The following SLCO1A2 variants were observed in gnomAD, a reference collection of about 807,000 sequenced individuals.
The protein encoded by SLCO1A2 is OATP-1.
In SLCO1A2, 67 loss-of-function variants were observed where a neutral mutation model predicts 69.0. The ratio of observed to expected loss-of-function variants is 0.97; its 90% CI spans 0.80 to 1.19. SLCO1A2 has a LOEUF of 1.19. Ranked by LOEUF, SLCO1A2 falls within the 50% of genes most tolerant of loss-of-function variation. The pLI is 0.00. For synonymous variants in SLCO1A2, 260 were observed against 265.9 expected, an observed-to-expected ratio of 0.98 and a Z score of 0.22; for missense variants, 787 against 793.7, an observed-to-expected ratio of 0.99 and a Z score of 0.10.
rs763676184 is a variant in SLCO1A2, at chr12:21,378,286, C to T, written c.-189-3761G>A. The T allele has an allele frequency of 3.6e-5, 58 of 1,614,016 alleles. No homozygotes were observed. In the East Asian group the frequency reaches 5.1e-4, roughly 14 times the overall value. On this transcript the variant is annotated intron_variant, in intron 1 of 15. Coordinates refer to the SLCO1A2 transcript ENST00000307378. ...CAACACTGCCACATGTGCAACGCAG[C>T]GCCTGGCAAATTTTTTAGTTCATTC...
chr12:21,333,090 G>A (rs4148986), intron 2 of SLCO1A2, among the ~76,000 whole-genome samples: 55,690 of 151,888 alleles, frequency 0.37, 10,891 homozygotes, highest in African/African-American at 0.5. Context: ...TTCTCAGAGT[G>A]TATTCTTAAG....
At chr12:21,416,577 C>G (rs1452346372) in intron 1 of SLCO1A2, among the ~76,000 whole-genome samples, 1 of 151,804 alleles carries the variant, frequency 6.6e-6, no homozygotes, top group Non-Finnish European at 1.5e-5. Flanking sequence ...GGGTGTCATG[C>G]TTGGTTTAAT....
chr12:21,276,714 A>C (rs1406439084), intron 12 of SLCO1A2, among the ~76,000 whole-genome samples: 1 of 152,168 alleles, frequency 6.6e-6, no homozygotes, highest in Admixed American at 6.5e-5. Context: ...CATGGCATGG[A>C]GAAGGAATCT....
At chr12:21,331,540 C>G (rs1199890868) in intron 2 of SLCO1A2, among the ~76,000 whole-genome samples, 1 of 151,958 alleles carries the variant, frequency 6.6e-6, no homozygotes, top group East Asian at 1.9e-4. Flanking sequence ...AATATGATTA[C>G]TGAGCACTCT....
rs1446124327 is a variant in SLCO1A2 at position 21,267,282 on chromosome 12, T to C, written c.*2266A>G. ...TAGCCATGTCTCTCTGGGCCTATGATGCTCCATTGAGGGAGTTCAAGTGGG... is the reference window on the plus strand; with the variant it reads ...TAGCCATGTCTCTCTGGGCCTATGACGCTCCATTGAGGGAGTTCAAGTGGG... On this transcript the variant is annotated 3_prime_UTR_variant, in exon 15 of 15. Coordinates refer to ENST00000683939, the MANE Select transcript of SLCO1A2 (RefSeq NM_001386879.1). The C allele has an allele frequency of 2.0e-5, 3 of 152,186 alleles. No homozygotes were observed. Among genetic ancestry groups the C allele is most frequent in the Non-Finnish European group, 4.4e-5 (3 of 68,060 alleles). The allele number at this position is 152,186 out of a possible 1,614,324, so 9.4% of individuals were successfully genotyped here.
intron 2 of SLCO1A2, among the ~76,000 whole-genome samples, chr12:21,348,055 C>T (rs1937643376): frequency 6.6e-6 from 1 of 152,234 alleles, no homozygotes; most frequent in South Asian, 2.1e-4. Context: ...TTTAGTCTTT[C>T]TCTTTTTCCA....
intron 3 of SLCO1A2, among the ~76,000 whole-genome samples, chr12:21,318,529 C>T (rs1310113047): frequency 6.6e-6 from 1 of 152,090 alleles, no homozygotes; most frequent in East Asian, 1.9e-4. Flanking sequence ...ACTCATGCTA[C>T]ATAACTAAGA....
chr12:21,273,187 A>C (rs1240720029), intron 14 of SLCO1A2, among the ~76,000 whole-genome samples: 3 of 152,112 alleles, frequency 2.0e-5, no homozygotes, highest in African/African-American at 7.2e-5. Context: ...AGTTTAGGAA[A>C]TCCCAATCTT....
At chr12:21,327,540 T>C (rs1024465179) in intron 2 of SLCO1A2, among the ~76,000 whole-genome samples, 2 of 152,182 alleles carry the variant, frequency 1.3e-5, no homozygotes, top group African/African-American at 2.4e-5. Flanking sequence ...GGGGTGGATC[T>C]TCCCAAGTCC....
In SLCO1A2 at chr12:21,366,091, C is replaced by A. The variant is rs907914690; in HGVS notation, c.-63+8308G>T. Among the ~76,000 whole-genome samples the A allele has an allele frequency of 8.5e-4, 130 of 152,292 alleles. 1 individual carries two copies. The highest frequency in any genetic ancestry group is 3.1e-3 in the African/African-American group (127 of 41,548). ...TATAAATCATGCTGCTATAAAGACA[C>A]ATGCATACGTATGTTTATTGCAGCA... On this transcript the variant is annotated intron_variant, in intron 2 of 15. Transcript: ENST00000307378.
chr12:21,384,536 T>C (rs1004272778), intron 1 of SLCO1A2, among the ~76,000 whole-genome samples: 12 of 152,070 alleles, frequency 7.9e-5, no homozygotes, highest in African/African-American at 2.9e-4. Flanking sequence ...TAAAAGGATA[T>C]CACAGACAAT....
At position 21,269,361 on chromosome 12, in the gene SLCO1A2, A is replaced by G. The variant is rs2136028621; in HGVS notation, c.*187T>C. On this transcript the variant is annotated 3_prime_UTR_variant, in exon 15 of 15. Transcript: ENST00000683939. ...GGGGGCTGTTATTGATGTCCCTCCT[A>G]GGAAAACTCAAGTGTCACTGATACC... 1 of 457,102 alleles carries G rather than the reference A, an allele frequency of 2.2e-6. No individual in the cohort carries two copies. Among genetic ancestry groups the G allele is most frequent in the East Asian group, 3.5e-5 (1 of 28,366 alleles). 28.3% of individuals were successfully genotyped at this position (457,102 alleles called of 1,614,324 possible). A position where few individuals can be genotyped will look rare whatever the true frequency, so the allele number is the denominator to read the frequency against.
At chr12:21,376,312 C>CT (rs1309538859) in intron 1 of SLCO1A2, 5 of 351,292 alleles carry the variant, frequency 1.4e-5, no homozygotes, top group South Asian at 4.3e-5. Flanking sequence ...TCCTTTATTA[C>CT]TTTTTTTGAG....
intron 12 of SLCO1A2, among the ~76,000 whole-genome samples, chr12:21,285,743 G>A (rs1376942503): frequency 6.7e-6 from 1 of 149,658 alleles, no homozygotes; most frequent in Admixed American, 6.7e-5. Flanking sequence ...TATAAACAGA[G>A]CCAAAGACAA....
intron 1 of SLCO1A2, among the ~76,000 whole-genome samples, chr12:21,414,940 T>G (rs190181514): frequency 6.6e-6 from 1 of 152,112 alleles, no homozygotes; most frequent in Non-Finnish European, 1.5e-5. Context: ...TTAAAGTCTA[T>G]TTTATTGGAT....
intron 2 of SLCO1A2, among the ~76,000 whole-genome samples, chr12:21,347,515 G>C (rs1050692341): frequency 6.6e-6 from 1 of 151,932 alleles, no homozygotes; most frequent in Admixed American, 6.6e-5. Flanking sequence ...GCATGGTGGC[G>C]CACGTCTGTA....
At chr12:21,312,655 A>G (rs991067116) in intron 4 of SLCO1A2, among the ~76,000 whole-genome samples, 4 of 152,138 alleles carry the variant, frequency 2.6e-5, no homozygotes, top group Admixed American at 1.3e-4. Context: ...GGGTTATTAT[A>G]ATAATTGGCC....
intron 2 of SLCO1A2, among the ~76,000 whole-genome samples, chr12:21,342,335 G>A (rs1953097262): frequency 6.6e-6 from 1 of 151,728 alleles, no homozygotes; most frequent in Admixed American, 6.6e-5. Flanking sequence ...ACATAAGCAG[G>A]CTTTTCATAT....
chr12:21,335,450 T>G (rs1012612167), upstream of SLCO1A2, among the ~76,000 whole-genome samples: 3 of 149,126 alleles, frequency 2.0e-5, no homozygotes, highest in African/African-American at 5.2e-5. Flanking sequence ...CATTTTTATA[T>G]GTAAAACAAA....
Sources: allele counts gnomAD v4.1 joint callset (sites outside exome capture counted in the v4.1 genomes callset), GRCh38; gene constraint gnomAD v4.1.1; transcripts MANE v1.5; gene names NCBI Gene and HGNC (gene_info 2026-07-23, HGNC 2026-07-21).